CASKIN2: variants seen among roughly 807,000 people sequenced by gnomAD.
CASKIN2 encodes caskin-2.
CASKIN2 carries 41 observed loss-of-function variants against 107.1 expected under a neutral mutation model. The ratio of observed to expected loss-of-function variants is 0.38; its 90% CI spans 0.30 to 0.50. CASKIN2 has a LOEUF of 0.50. Among genes scored for constraint, CASKIN2 ranks in the 20% least tolerant of loss-of-function variants. The pLI is 0.92. For synonymous variants in CASKIN2, 724 were observed against 705.6 expected, an observed-to-expected ratio of 1.03 and a Z score of -0.41; for missense variants, 1,546 against 1,657.4, an observed-to-expected ratio of 0.93 and a Z score of 1.17.
At chr17:75,512,173 G>A (rs990269447) in intron 2 of CASKIN2, among the ~76,000 whole-genome samples, 1 of 152,198 alleles carries the variant, frequency 6.6e-6, no homozygotes, top group East Asian at 1.9e-4. Flanking sequence ...CAGGTAGCCT[G>A]GGGGACTCCT....
intron 3 of CASKIN2, among the ~76,000 whole-genome samples, 189 bp downstream of exon 3, chr17:75,508,045 A>G (rs1417038413): frequency 6.6e-6 from 1 of 151,928 alleles, no homozygotes. Context: ...GGCTAACTCC[A>G]CGGGCGGGCG....
intron 2 of CASKIN2, among the ~76,000 whole-genome samples, chr17:75,511,855 C>T: frequency 6.6e-6 from 1 of 152,378 alleles, no homozygotes; most frequent in South Asian, 2.1e-4. Flanking sequence ...CGCCTGCCCT[C>T]CTGAGGGCCT....
chr17:75,503,823 G>C (rs2053231819), intron 15 of CASKIN2, 29 bp downstream of exon 15: 2 of 1,611,138 alleles, frequency 1.2e-6, no homozygotes, highest in Non-Finnish European at 1.7e-6. Flanking sequence ...CCCGCCCGCT[G>C]GGTGCTGCTT....
intron 2 of CASKIN2, among the ~76,000 whole-genome samples, chr17:75,508,487 C>T (rs1172843389): frequency 6.6e-6 from 1 of 152,236 alleles, no homozygotes; most frequent in Non-Finnish European, 1.5e-5. Flanking sequence ...CAGGATGCTG[C>T]TGCGGCAGTG....
rs2053261824 is a variant in CASKIN2 at position 75,506,058 on chromosome 17, G to A, written c.727-129C>T. ...TACAGATGAGGACATAGAGGCTCAG[G>A]GACTCAGTCAAGGACAAGCTCAAGT... On this transcript the variant is annotated intron_variant, in intron 8 of 19. Coordinates refer to ENST00000321617, the MANE Select transcript of CASKIN2 (RefSeq NM_020753.5). This position sits in a 1 kb window ranked among gnomAD's most constrained non-coding sequence, Gnocchi z 4.8. The A allele has an allele frequency of 1.2e-6, 1 of 817,514 alleles. No individual in the cohort carries two copies. The highest frequency in any genetic ancestry group is 1.9e-6 in the Non-Finnish European group (1 of 517,428). The allele number at this position is 817,514 out of a possible 1,614,324, so 50.6% of individuals were successfully genotyped here.
At position 75,503,003 on chromosome 17, in the gene CASKIN2, G is replaced by A. The variant is rs775971572; in HGVS notation, c.2071C>T (p.Pro691Ser). 1 of 1,606,368 alleles carries A rather than the reference G, an allele frequency of 6.2e-7. No individual in the cohort carries two copies. The highest frequency in any genetic ancestry group is 8.5e-7 in the Non-Finnish European group (1 of 1,178,294). The change falls in exon 18 of 20, where the codon CCA becomes TCA. Residue 691 changes from proline to serine, a missense_variant. Coordinates refer to ENST00000321617, the MANE Select transcript of CASKIN2 (RefSeq NM_020753.5). The part of the protein sequence containing the change: ...AGGGPEPLPL[P>S]PARSPSQESI... ...TCCTGGCTGGGAGAGCGGGCAGGTG[G>A]GAGGGGGAGTGGTTCAGGGCCACCC...
In CASKIN2 at chr17:75,503,499, A is replaced by G. The variant is rs1328186700; in HGVS notation, c.1709T>C (p.Leu570Pro). Residue 570 changes from leucine to proline, a missense_variant, in exon 17 of 20, where the codon CTG (leucine) becomes CCG (proline). Coordinates refer to ENST00000321617, the MANE Select transcript of CASKIN2 (RefSeq NM_020753.5). ...CTGCTTGTGGTACTGTGGCAGCCCCAGTGCACACAGCCACTCCAGCAGGTC... is the reference window on the plus strand; with the variant it reads ...CTGCTTGTGGTACTGTGGCAGCCCCGGTGCACACAGCCACTCCAGCAGGTC... ...PTDLLEWLCA[L>P]GLPQYHKQLV... 1.9e-6 allele frequency: 3 copies of G among 1,611,590 alleles called. No homozygotes were observed. The highest frequency in any genetic ancestry group is 2.5e-6 in the Non-Finnish European group (3 of 1,179,766).
chr17:75,507,441 G>C (rs1598467851), intron 4 of CASKIN2, 143 bp downstream of exon 4: 1 of 665,508 alleles, frequency 1.5e-6, no homozygotes, highest in East Asian at 2.7e-5. Flanking sequence ...AGTAAACGGG[G>C]AAAAGCCACT....
chr17:75,505,540 T>A lies in CASKIN2; in HGVS notation c.930+17A>T. On this transcript the variant is annotated intron_variant, in intron 10 of 19. Coordinates refer to ENST00000321617, the MANE Select transcript of CASKIN2 (RefSeq NM_020753.5). The surrounding 1 kb of genome is among the most constrained non-coding windows in gnomAD (Gnocchi z 5.1). ...TCATTTGTATTTGCAAAGGAATGCCTGCTTGGGGTCCCTCACCGTGATGAC... is the reference window on the plus strand; with the variant it reads ...TCATTTGTATTTGCAAAGGAATGCCAGCTTGGGGTCCCTCACCGTGATGAC... The A allele has an allele frequency of 6.2e-7, 1 of 1,612,018 alleles. No homozygotes were observed. The highest frequency in any genetic ancestry group is 8.5e-7 in the Non-Finnish European group (1 of 1,178,724).
Position 75,502,509 on chromosome 17 carries a change from G to T in CASKIN2, c.2565C>A (p.Arg855=). The change falls in exon 18 of 20, where the codon CGC becomes CGA. Residue 855 remains arginine, a synonymous_variant. Transcript: ENST00000321617. The surrounding 1 kb of genome is among the most constrained non-coding windows in gnomAD (Gnocchi z 4.3). ...VTPTPARGTP[R]SQSFALRARR... is the part of the protein sequence containing the mutation. ...GGGCCCGCAGGGCAAAGGACTGGCT[G>T]CGAGGAGTCCCCCGAGCTGGGGTTG... 1 of 1,471,778 alleles carries T rather than the reference G, an allele frequency of 6.8e-7. No homozygotes were observed. The highest frequency in any genetic ancestry group is 1.4e-5 in the African/African-American group (1 of 71,084). 91.2% of individuals were successfully genotyped at this position (1,471,778 alleles called of 1,614,324 possible). A position where few individuals can be genotyped will look rare whatever the true frequency, so the allele number is the denominator to read the frequency against.
In CASKIN2 at chr17:75,501,833, C is replaced by T. The variant is rs2053193290; in HGVS notation, c.3241G>A (p.Gly1081Arg). The change falls in exon 18 of 20, where the codon GGG becomes AGG. Residue 1081 changes from glycine to arginine, a missense_variant. By Grantham distance (125) the Gly-to-Arg change is moderately radical. Around this residue, in one of 6 missense-constraint regions of CASKIN2, gnomAD observed 1,311 missense variants for 1,311.0 expected, o/e 1.00. Transcript: ENST00000321617. ...GGGGCGGCCGGGGGTTCTGTCTCCC[C>T]ATTCCACCGACTAGCTGCTGAGCTT... Reference protein sequence around the residue: ...LESSAASRWNGETEPPAAPAA... With the variant: ...LESSAASRWNRETEPPAAPAA... 3 of 1,556,808 alleles carry T rather than the reference C, an allele frequency of 1.9e-6. No homozygotes were observed. The highest frequency in any genetic ancestry group is 4.5e-5 in the East Asian group (2 of 44,490).
rs185406270 is a variant in CASKIN2 at position 75,507,065 on chromosome 17, G to T, written c.309C>A (p.Arg103=). 1 of 1,612,114 alleles carries T rather than the reference G, an allele frequency of 6.2e-7. No individual in the cohort carries two copies. The highest frequency in any genetic ancestry group is 8.5e-7 in the Non-Finnish European group (1 of 1,179,772). ...AGGCGGCATTGACAGCCGCAGAGGC[G>T]CGCAGCAGCAGCCTCACAGGCTCCA... ...GRLEPVRLLL[R]ASAAVNAASL... is the part of the protein sequence containing the mutation. Residue 103 remains arginine (R), a synonymous_variant, in exon 5 of 20, where the codon CGC becomes CGA. Coordinates refer to ENST00000321617, the MANE Select transcript of CASKIN2 (RefSeq NM_020753.5).
rs1320935378 is a variant in CASKIN2, at chr17:75,514,173, G to A, written c.-369C>T. The A allele has an allele frequency of 1.9e-6, 1 of 515,464 alleles. No homozygotes were observed. Among genetic ancestry groups the A allele is most frequent in the Non-Finnish European group, 3.4e-6 (1 of 292,586 alleles). 31.9% of individuals were successfully genotyped at this position (515,464 alleles called of 1,614,324 possible). On this transcript the variant is annotated 5_prime_UTR_variant, in exon 2 of 20. Transcript: ENST00000321617. ...CCAGAGAGCAGCCAGCATTCCCTTG[G>A]GCCTCAGGCAGCAGCGGTGCACTGG...
chr17:75,501,197 G>T, intron 19 of CASKIN2, 27 bp from the exon 20 acceptor site: 1 of 1,553,288 alleles, frequency 6.4e-7, no homozygotes, highest in African/African-American at 1.4e-5. Context: ...GATGCGGTCA[G>T]ATCAGCCAGT....
rs781300744 is a variant in CASKIN2, at chr17:75,502,897, G to A, written c.2177C>T (p.Pro726Leu). Residue 726 changes from proline to leucine, a missense_variant, in exon 18 of 20, where the codon CCC (proline) becomes CTC (leucine). Pro to Leu is a moderately conservative substitution (Grantham distance 98). Around this residue, in one of 6 missense-constraint regions of CASKIN2, gnomAD observed 1,311 missense variants for 1,311.0 expected, o/e 1.00. Transcript: ENST00000321617. The surrounding 1 kb of genome is among the most constrained non-coding windows in gnomAD (Gnocchi z 4.3). The part of the protein sequence containing the change: ...APQPSGGDPS[P>L]PQERNLPEGT... ...CTCTGGGAGGTTCCTCTCCTGGGGG[G>A]GGCTGGGATCTCCACCGCTGGGCTG... The A allele has an allele frequency of 1.9e-6, 3 of 1,546,388 alleles. No individual in the cohort carries two copies. Among genetic ancestry groups the A allele is most frequent in the African/African-American group, 2.7e-5 (2 of 73,110 alleles).
At chr17:75,510,286 G>A (rs918336119) in intron 2 of CASKIN2, among the ~76,000 whole-genome samples, 2 of 152,224 alleles carry the variant, frequency 1.3e-5, no homozygotes, top group African/African-American at 2.4e-5. Context: ...AAGAGGACCC[G>A]GGTGGGGGCA....
In CASKIN2 at chr17:75,502,506, G is replaced by T; in HGVS notation, c.2568C>A (p.Ser856Arg). The T allele has an allele frequency of 2.7e-6, 4 of 1,470,414 alleles. No individual in the cohort carries two copies. Among genetic ancestry groups the T allele is most frequent in the Non-Finnish European group, 3.6e-6 (4 of 1,105,878 alleles). 91.1% of individuals were successfully genotyped at this position (1,470,414 alleles called of 1,614,324 possible). The change falls in exon 18 of 20, where the codon AGC becomes AGA. Residue 856 changes from serine (S) to arginine (R), a missense_variant. Physicochemically the swap from Ser to Arg is moderately radical, Grantham distance 110 (BLOSUM62 -1). Around this residue, in one of 6 missense-constraint regions of CASKIN2, gnomAD observed 1,311 missense variants for 1,311.0 expected, o/e 1.00. Transcript: ENST00000321617. This position sits in a 1 kb window ranked among gnomAD's most constrained non-coding sequence, Gnocchi z 4.3. ...TPTPARGTPR[S>R]QSFALRARRK... ...GCCGGGCCCGCAGGGCAAAGGACTG[G>T]CTGCGAGGAGTCCCCCGAGCTGGGG...
At position 75,502,711 on chromosome 17, in the gene CASKIN2, G is replaced by A. The variant is rs538849004; in HGVS notation, c.2363C>T (p.Pro788Leu). ...GCGCTTAGGTCGAGGCGGGTCTGGGGGAGTGGCAGGGGGCCCGGCCAAGTA... is the reference window on the plus strand; with the variant it reads ...GCGCTTAGGTCGAGGCGGGTCTGGGAGAGTGGCAGGGGGCCCGGCCAAGTA... ...FSYLAGPPAT[P>L]PDPPRPKRRS... The change falls in exon 18 of 20, where the codon CCC (proline) becomes CTC (leucine). Residue 788 changes from proline (P) to leucine (L), a missense_variant. Transcript: ENST00000321617. The surrounding 1 kb of genome is among the most constrained non-coding windows in gnomAD (Gnocchi z 4.3). The A allele has an allele frequency of 6.3e-7, 1 of 1,589,402 alleles. No individual in the cohort carries two copies. Among genetic ancestry groups the A allele is most frequent in the East Asian group, 2.3e-5 (1 of 43,892 alleles).
Position 75,502,063 on chromosome 17 carries a change from G to A in CASKIN2, c.3011C>T (p.Thr1004Ile). ...PKCREREPLQ[T>I]ALLAFGVASA... ...GGCCACTCCGAAGGCCAGCAGTGCG[G>A]TCTGCAGTGGCTCTCTCTCCCGGCA... is the stretch of plus-strand genomic sequence containing the variant. Residue 1004 changes from threonine to isoleucine, a missense_variant, in exon 18 of 20, where the codon ACC becomes ATC. Thr to Ile is a moderately conservative substitution (Grantham distance 89). Coordinates refer to ENST00000321617, the MANE Select transcript of CASKIN2 (RefSeq NM_020753.5). The surrounding 1 kb of genome is among the most constrained non-coding windows in gnomAD (Gnocchi z 4.3). 2 of 1,612,156 alleles carry A rather than the reference G, an allele frequency of 1.2e-6. No individual in the cohort carries two copies. The highest frequency in any genetic ancestry group is 1.7e-6 in the Non-Finnish European group (2 of 1,179,894).
Sources: allele counts gnomAD v4.1 joint callset (sites outside exome capture counted in the v4.1 genomes callset), GRCh38; gene constraint gnomAD v4.1.1; regional missense constraint gnomAD v4.1.1; non-coding constraint Gnocchi (gnomAD v3.1); transcripts MANE v1.5; gene names NCBI Gene and HGNC (gene_info 2026-07-23, HGNC 2026-07-21).